Variants in SLC9A7 observed in about 807,000 individuals in gnomAD.
SLC9A7 encodes solute carrier family 9 member A7, also known as sodium/hydrogen exchanger 7.
SLC9A7 carries 19 observed loss-of-function variants against 52.6 expected under a neutral mutation model. The observed-to-expected ratio is 0.36, with a 90% CI of 0.25 to 0.53. The LOEUF is 0.53. Ranked by LOEUF, SLC9A7 falls within the 20% of genes least tolerant of loss-of-function variation. The pLI is 0.91. For missense variants in SLC9A7, 455 were observed against 597.9 expected, an observed-to-expected ratio of 0.76 and a Z score of 2.49; for synonymous variants, 226 against 252.1, an observed-to-expected ratio of 0.90 and a Z score of 0.98.
In SLC9A7 at chrX:46,631,575, T is replaced by C; in HGVS notation, c.1740+11A>G. 1 of 1,203,361 alleles carries C rather than the reference T, an allele frequency of 8.3e-7. No individual in the cohort carries two copies. The highest frequency in any genetic ancestry group is 1.1e-6 in the Non-Finnish European group (1 of 888,220). ...TGTCTTCCCCAGGAAGAAGCATCTCTTGTGACTTACCCCTTGTAAGACTTG... is the reference window on the plus strand; with the variant it reads ...TGTCTTCCCCAGGAAGAAGCATCTCCTGTGACTTACCCCTTGTAAGACTTG... On this transcript the variant is annotated intron_variant, in intron 14 of 16. Transcript: ENST00000616978.
chrX:46,696,450 A>G (rs1433496068), intron 1 of SLC9A7, among the ~76,000 whole-genome samples: 1 of 111,932 alleles, frequency 8.9e-6, no homozygotes, highest in African/African-American at 3.2e-5. Context: ...GGTGCTTAGG[A>G]GCAACCAAAA....
chrX:46,748,741 T>A (rs1421439282), intron 1 of SLC9A7, among the ~76,000 whole-genome samples: 1 of 110,029 alleles, frequency 9.1e-6, no homozygotes, highest in Admixed American at 9.7e-5. Context: ...TGATCTAGAA[T>A]AGGCAAATTC....
chrX:46,668,296 G>C (rs1295162344), intron 5 of SLC9A7, among the ~76,000 whole-genome samples: 2 of 111,341 alleles, frequency 1.8e-5, no homozygotes, highest in Non-Finnish European at 3.8e-5. Context: ...GATCACCTGA[G>C]GTTGGGAGTT....
chrX:46,610,330 G>A (rs1228081080), intron 16 of SLC9A7, among the ~76,000 whole-genome samples: 1 of 112,529 alleles, frequency 8.9e-6, no homozygotes, highest in Non-Finnish European at 1.9e-5. Flanking sequence ...GTGGTTTAAC[G>A]TTAGTGGAAA....
chrX:46,693,023 G>A (rs183776727), intron 1 of SLC9A7, among the ~76,000 whole-genome samples: 108 of 111,140 alleles, frequency 9.7e-4, no homozygotes, highest in Admixed American at 5.3e-3. Flanking sequence ...ACAAATACTC[G>A]TTCTGTGAAA....
intron 3 of SLC9A7, 48 bp from the exon 4 acceptor site, chrX:46,672,675 A>G: frequency 1.1e-6 from 1 of 933,466 alleles, no homozygotes; most frequent in South Asian, 2.1e-5. Flanking sequence ...TGTGATTTTC[A>G]ACAATGAGCT....
chrX:46,696,805 A>C (rs1944455750), intron 1 of SLC9A7, among the ~76,000 whole-genome samples: 1 of 112,317 alleles, frequency 8.9e-6, no homozygotes, highest in Admixed American at 9.4e-5. Flanking sequence ...GTTAATACTG[A>C]CAACAATCCC....
intron 1 of SLC9A7, among the ~76,000 whole-genome samples, chrX:46,715,818 T>C (rs1177177850): frequency 3.6e-5 from 4 of 112,124 alleles, no homozygotes. Flanking sequence ...TGTTAGATGA[T>C]ATTGCCCAAT....
chrX:46,673,459 C>T (rs372658425), intron 3 of SLC9A7, among the ~76,000 whole-genome samples: 1 of 111,457 alleles, frequency 9.0e-6, no homozygotes, highest in African/African-American at 3.3e-5. Flanking sequence ...GATATTTTGA[C>T]GGAGGAAATT....
At chrX:46,734,532 T>C (rs1945092272) in intron 1 of SLC9A7, among the ~76,000 whole-genome samples, 1 of 111,889 alleles carries the variant, frequency 8.9e-6, no homozygotes, top group South Asian at 3.7e-4. Context: ...TATTTCACAC[T>C]CATTTTTTAA....
In SLC9A7 at chrX:46,705,661, G is replaced by A. The variant is rs138245046; in HGVS notation, c.326-23126C>T. On this transcript the variant is annotated intron_variant, in intron 1 of 16. Coordinates refer to ENST00000616978, the MANE Select transcript of SLC9A7 (RefSeq NM_001257291.2). ...CCTAGCCTGGGCAACACAGTGAGAT[G>A]TTGTCTCTACAAAAAAATTAAAAAA... 2.7e-3 allele frequency among the ~76,000 whole-genome samples: 301 copies of A among 111,672 alleles called. 1 individual carries two copies. The highest frequency in any genetic ancestry group is 9.4e-3 in the African/African-American group (288 of 30,763).
intron 6 of SLC9A7, 81 bp from the exon 7 acceptor site, chrX:46,662,238 G>A: frequency 1.1e-6 from 1 of 932,821 alleles, no homozygotes; most frequent in Non-Finnish European, 1.5e-6. Flanking sequence ...GACAAACATA[G>A]GTCTATCTAC....
intron 3 of SLC9A7, among the ~76,000 whole-genome samples, chrX:46,677,369 T>C (rs750460163): frequency 8.9e-6 from 1 of 112,000 alleles, no homozygotes; most frequent in Non-Finnish European, 1.9e-5. Context: ...ATGAGGTAGG[T>C]TGTAAGCAGC....
chrX:46,644,449 A>G (rs1943455804), intron 11 of SLC9A7, among the ~76,000 whole-genome samples: 1 of 111,798 alleles, frequency 8.9e-6, no homozygotes, highest in African/African-American at 3.3e-5. Context: ...CAGCCTGGCC[A>G]ACATGGTGAA....
At chrX:46,739,644 A>G (rs925760693) in intron 1 of SLC9A7, among the ~76,000 whole-genome samples, 5 of 111,108 alleles carry the variant, frequency 4.5e-5, no homozygotes, top group Non-Finnish European at 3.8e-5. Context: ...GCTGTTGCTC[A>G]TCTTTAGCTT....
intron 1 of SLC9A7, among the ~76,000 whole-genome samples, chrX:46,733,623 G>A (rs62593978): frequency 0.39 from 42,967 of 110,245 alleles, 7,726 homozygotes; most frequent in Non-Finnish European, 0.56. Flanking sequence ...ATGTGGTAAT[G>A]GAGTTAGAAT....
chrX:46,716,434 A>C (rs1944770040), intron 1 of SLC9A7, among the ~76,000 whole-genome samples: 1 of 111,877 alleles, frequency 8.9e-6, no homozygotes, highest in Non-Finnish European at 1.9e-5. Flanking sequence ...GAACCCTGAG[A>C]CGACTTAGGC....
chrX:46,681,065 A>G (rs1282455169), intron 2 of SLC9A7, among the ~76,000 whole-genome samples: 2 of 112,401 alleles, frequency 1.8e-5, no homozygotes, highest in Non-Finnish European at 3.8e-5. Flanking sequence ...CTTCTTATCA[A>G]CCAAGCTATG....
At chrX:46,712,799 C>T (rs1602260114) in intron 1 of SLC9A7, among the ~76,000 whole-genome samples, 2 of 111,988 alleles carry the variant, frequency 1.8e-5, no homozygotes, top group African/African-American at 6.5e-5. Context: ...ACTACATTTA[C>T]AAAATGTTTG....
Sources: allele counts gnomAD v4.1 joint callset (sites outside exome capture counted in the v4.1 genomes callset), GRCh38; gene constraint gnomAD v4.1.1; transcripts MANE v1.5; gene names NCBI Gene and HGNC (gene_info 2026-07-23, HGNC 2026-07-21).